Variants in PACSIN2 observed in about 807,000 individuals in gnomAD.
The protein encoded by PACSIN2 is protein kinase C and casein kinase substrate in neurons protein 2.
A neutral mutation model predicts 63.8 loss-of-function variants in PACSIN2; 25 were observed. The ratio of observed to expected loss-of-function variants is 0.39; its 90% CI spans 0.29 to 0.55. The LOEUF (loss-of-function observed/expected upper bound fraction) is 0.55. PACSIN2 is among the 20% of genes least tolerant of loss of function. PACSIN2 has a pLI of 0.62. For synonymous variants in PACSIN2, 255 were observed against 256.2 expected (o/e 1.00, Z 0.05); for missense variants, 518 against 646.9 (o/e 0.80, Z 2.16).
chr22:42,950,159 T>A (rs1933616298), intron 1 of PACSIN2, among the ~76,000 whole-genome samples: 1 of 152,052 alleles, frequency 6.6e-6, no homozygotes, highest in Non-Finnish European at 1.5e-5. Flanking sequence ...CCCTAAACAA[T>A]ACGGTATAAC....
At position 43,005,078 on chromosome 22, in the gene PACSIN2, T is replaced by C. The variant is rs965461399; in HGVS notation, c.-78+9943A>G. On this transcript the variant is annotated intron_variant, in intron 1 of 10. Transcript: ENST00000263246. The stretch of plus-strand genomic sequence containing the variant: ...CATTAATCTAAAAGTAAAAGGGCAA[T>C]GGTACTGTGTGGAAAACAAGGAGAA... 3.3e-5 allele frequency among the ~76,000 whole-genome samples: 5 copies of C among 152,244 alleles called. No individual in the cohort carries two copies. The South Asian group carries it at 8.3e-4, about 25-fold the overall frequency.
At chr22:43,001,414 A>G (rs942087929) in intron 1 of PACSIN2, among the ~76,000 whole-genome samples, 2 of 152,218 alleles carry the variant, frequency 1.3e-5, no homozygotes, top group Non-Finnish European at 2.9e-5. Flanking sequence ...GCAAAGTACA[A>G]TTTCCACACT....
At chr22:42,954,401 T>C (rs1456379039) in intron 1 of PACSIN2, among the ~76,000 whole-genome samples, 1 of 152,072 alleles carries the variant, frequency 6.6e-6, no homozygotes, top group Non-Finnish European at 1.5e-5. Flanking sequence ...AGTGAGAAAC[T>C]GACTTTTTTT....
At chr22:43,007,187 C>A (rs1463169236) in intron 1 of PACSIN2, among the ~76,000 whole-genome samples, 1 of 151,966 alleles carries the variant, frequency 6.6e-6, no homozygotes, top group African/African-American at 2.4e-5. Context: ...CTTCCCTGCC[C>A]CTAGCAGCCC....
chr22:42,946,044 C>T (rs1157157216), intron 1 of PACSIN2, among the ~76,000 whole-genome samples: 1 of 152,228 alleles, frequency 6.6e-6, no homozygotes, highest in Non-Finnish European at 1.5e-5. Context: ...ACAAGCACCA[C>T]ACTCCTATCA....
chr22:42,927,999 T>C (rs904223068), intron 1 of PACSIN2, among the ~76,000 whole-genome samples: 5 of 152,168 alleles, frequency 3.3e-5, no homozygotes, highest in Non-Finnish European at 7.4e-5. Flanking sequence ...GGAGCCCAGG[T>C]TGGGGATGTC....
In PACSIN2 at chr22:42,893,593, A is replaced by G. The variant is rs1930073241; in HGVS notation, c.81T>C (p.Thr27=). 1.9e-6 allele frequency: 3 copies of G among 1,614,096 alleles called. No individual in the cohort carries two copies. Among genetic ancestry groups the G allele is most frequent in the Non-Finnish European group, 1.7e-6 (2 of 1,179,982 alleles). Residue 27 remains threonine (T), a synonymous_variant, in exon 3 of 11, where the codon ACT becomes ACC. Coordinates refer to ENST00000263246, the MANE Select transcript of PACSIN2 (RefSeq NM_001184970.3). ...SFWEVGNYKR[T]VKRIDDGHRL... is the part of the protein sequence containing the mutation. Reference sequence around the variant, plus strand: ...GGTGGCCATCGTCGATCCGCTTCACAGTCCGCTTGTAGTTCCCGACCTAGG... The same window carrying G: ...GGTGGCCATCGTCGATCCGCTTCACGGTCCGCTTGTAGTTCCCGACCTAGG...
chr22:43,006,009 C>T (rs989741398), intron 1 of PACSIN2, among the ~76,000 whole-genome samples: 5 of 151,888 alleles, frequency 3.3e-5, no homozygotes, highest in African/African-American at 1.2e-4. Context: ...CCCAGGCTGG[C>T]CATGAACTCC....
intron 1 of PACSIN2, among the ~76,000 whole-genome samples, chr22:43,013,983 G>A (rs5759093): frequency 0.61 from 92,156 of 151,978 alleles, 28,527 homozygotes; most frequent in East Asian, 0.8. Flanking sequence ...CCTGTTATAC[G>A]TCAAAGGCTG....
intron 2 of PACSIN2, among the ~76,000 whole-genome samples, chr22:42,899,446 G>C (rs557496943): frequency 2.6e-5 from 4 of 152,200 alleles, no homozygotes; most frequent in African/African-American, 9.6e-5. Flanking sequence ...AGAGCACACA[G>C]AGACACCTCT....
At chr22:42,978,324 C>T (rs1921848865) in intron 1 of PACSIN2, among the ~76,000 whole-genome samples, 1 of 152,174 alleles carries the variant, frequency 6.6e-6, no homozygotes, top group Non-Finnish European at 1.5e-5. Context: ...AGTTGATTAC[C>T]ACCTAGCTGT....
intron 1 of PACSIN2, among the ~76,000 whole-genome samples, chr22:43,009,849 T>C (rs1924337871): frequency 2.0e-5 from 3 of 149,206 alleles, no homozygotes; most frequent in African/African-American, 7.3e-5. Context: ...AGTTGAGACA[T>C]CATTTTATTT....
At chr22:42,936,923 G>C (rs1932940732) in intron 1 of PACSIN2, among the ~76,000 whole-genome samples, 1 of 149,168 alleles carries the variant, frequency 6.7e-6, no homozygotes, top group Non-Finnish European at 1.5e-5. Context: ...AAAAAGGGGG[G>C]GGGGCAGGGG....
At chr22:42,910,409 C>T (rs1208342336) in intron 2 of PACSIN2, among the ~76,000 whole-genome samples, 2 of 152,218 alleles carry the variant, frequency 1.3e-5, no homozygotes, top group Non-Finnish European at 2.9e-5. Context: ...ACAGCTGCTG[C>T]CAGCTCCATA....
intron 1 of PACSIN2, among the ~76,000 whole-genome samples, chr22:43,005,856 A>G (rs575683356): frequency 1.3e-5 from 2 of 152,192 alleles, no homozygotes; most frequent in African/African-American, 4.8e-5. Flanking sequence ...CAAAATTCAT[A>G]TGTTGAAATT....
chr22:42,919,618 C>A (rs1287280143), intron 1 of PACSIN2, among the ~76,000 whole-genome samples: 1 of 151,500 alleles, frequency 6.6e-6, no homozygotes, highest in Non-Finnish European at 1.5e-5. Context: ...ACTAAAAATA[C>A]AAAAATTAGC....
At chr22:42,961,862 T>C (rs926765169) in intron 1 of PACSIN2, among the ~76,000 whole-genome samples, 3 of 152,216 alleles carry the variant, frequency 2.0e-5, no homozygotes, top group Non-Finnish European at 4.4e-5. Flanking sequence ...TGACATATGA[T>C]AATAATTTAC....
intron 2 of PACSIN2, among the ~76,000 whole-genome samples, chr22:42,900,272 G>A (rs1028311482): frequency 3.9e-5 from 6 of 152,098 alleles, no homozygotes; most frequent in Non-Finnish European, 7.3e-5. Context: ...ATTGCCTCGA[G>A]CACATTAGCC....
At chr22:42,991,663 C>G (rs540402951) in intron 1 of PACSIN2, among the ~76,000 whole-genome samples, 11 of 152,292 alleles carry the variant, frequency 7.2e-5, no homozygotes, top group South Asian at 2.1e-4. Context: ...CCATGCCATA[C>G]GAAGCTGAGA....
Sources: gnomAD v4.1 joint callset for allele counts (sites outside exome capture counted in the v4.1 genomes callset) on GRCh38, gnomAD v4.1.1 for gene constraint, MANE v1.5 for transcripts, NCBI Gene and HGNC (gene_info 2026-07-23, HGNC 2026-07-21) for gene names.